The following COL28A1 variants were observed in gnomAD, a reference collection of about 807,000 sequenced individuals.
COL28A1 encodes the protein collagen alpha-1(XXVIII) chain.
COL28A1 carries 161 observed loss-of-function variants against 150.2 expected under a neutral mutation model. That is an observed-to-expected ratio of 1.07 (90% CI 0.94 to 1.22). The LOEUF is 1.22. COL28A1 is among the 50% of genes most tolerant of loss of function. COL28A1 has a pLI of 0.00. For synonymous variants in COL28A1, 552 were observed against 469.7 expected (o/e 1.18, Z -2.26); for missense variants, 1,617 against 1,388.3 (o/e 1.16, Z -2.62).
intron 27 of COL28A1, among the ~76,000 whole-genome samples, chr7:7,397,561 C>T (rs2128297120): frequency 6.6e-6 from 1 of 152,262 alleles, no homozygotes; most frequent in African/African-American, 2.4e-5. Context: ...CCATTTAGAT[C>T]ATATCATGAA....
At chr7:7,393,777 C>T (rs1028353769) in intron 27 of COL28A1, among the ~76,000 whole-genome samples, 2 of 152,140 alleles carry the variant, frequency 1.3e-5, no homozygotes, top group African/African-American at 4.8e-5. Flanking sequence ...ACCTCTTTCT[C>T]CACACCAAAT....
chr7:7,479,781 G>T (rs1288039126), intron 13 of COL28A1, among the ~76,000 whole-genome samples: 1 of 152,178 alleles, frequency 6.6e-6, no homozygotes, highest in Non-Finnish European at 1.5e-5. Context: ...CTTTGAAATG[G>T]ACTTGCAGAA....
intron 13 of COL28A1, among the ~76,000 whole-genome samples, chr7:7,478,361 T>G: frequency 6.6e-6 from 1 of 152,190 alleles, no homozygotes; most frequent in African/African-American, 2.4e-5. Flanking sequence ...CACAGGGTGC[T>G]GATTGGTGTG....
rs1278473650 is a variant in COL28A1, at chr7:7,432,692, T to G, written c.1869A>C (p.Gln623His). The G allele has an allele frequency of 3.1e-6, 5 of 1,613,378 alleles. No homozygotes were observed. Among genetic ancestry groups the G allele is most frequent in the Non-Finnish European group, 4.2e-6 (5 of 1,179,684 alleles). ...GLSIRGPKGV[Q>H]GPRGPVGAPG... Reference sequence around the variant, plus strand: ...GAGCACCCACTGGTCCCCGAGGGCCTTGGACACCCTGGGTAAATTCCAACA... The same window carrying G: ...GAGCACCCACTGGTCCCCGAGGGCCGTGGACACCCTGGGTAAATTCCAACA... The change falls in exon 24 of 35, where the codon CAA becomes CAC. Residue 623 changes from glutamine (Q) to histidine (H), a missense_variant. Coordinates refer to ENST00000399429, the MANE Select transcript of COL28A1 (RefSeq NM_001037763.3).
intron 11 of COL28A1, among the ~76,000 whole-genome samples, chr7:7,492,383 G>A (rs1339781149): frequency 6.6e-6 from 1 of 150,772 alleles, no homozygotes; most frequent in Non-Finnish European, 1.5e-5. Flanking sequence ...AGACCAGCCT[G>A]GCCAACATGG....
chr7:7,541,920 G>A, the COL28A1 span, among the ~76,000 whole-genome samples: 1 of 141,380 alleles, frequency 7.1e-6, no homozygotes, highest in South Asian at 2.4e-4. Context: ...AGCAAGTAAA[G>A]AGCAATGGCA....
chr7:7,356,678 C>T (rs1259189517), downstream of COL28A1: 2 of 151,464 alleles, frequency 1.3e-5, no homozygotes, highest in African/African-American at 4.9e-5. Flanking sequence ...GAACATCACA[C>T]ACCAGGGCCT....
chr7:7,426,427 T>C (rs923683499), intron 25 of COL28A1, among the ~76,000 whole-genome samples: 4 of 152,202 alleles, frequency 2.6e-5, no homozygotes, highest in Non-Finnish European at 2.9e-5. Flanking sequence ...GAGGCTTTTT[T>C]CTAAGTATAT....
At chr7:7,450,514 G>A (rs915961136) in intron 18 of COL28A1, among the ~76,000 whole-genome samples, 1 of 152,162 alleles carries the variant, frequency 6.6e-6, no homozygotes, top group Non-Finnish European at 1.5e-5. Context: ...AGATATATTT[G>A]TACACACTTC....
chr7:7,481,536 C>T (rs570100085), intron 13 of COL28A1, among the ~76,000 whole-genome samples: 1 of 152,236 alleles, frequency 6.6e-6, no homozygotes, highest in African/African-American at 2.4e-5. Context: ...TTTCTAAGGC[C>T]ATGAGAACCA....
At chr7:7,413,271 C>A (rs1783886549) in intron 27 of COL28A1, among the ~76,000 whole-genome samples, 1 of 151,890 alleles carries the variant, frequency 6.6e-6, no homozygotes, top group Non-Finnish European at 1.5e-5. Flanking sequence ...AAGAGGAATT[C>A]TCAGCCAGGA....
intron 28 of COL28A1, among the ~76,000 whole-genome samples, chr7:7,381,340 C>A (rs1417987626): frequency 6.6e-6 from 1 of 152,130 alleles, no homozygotes; most frequent in African/African-American, 2.4e-5. Context: ...CTACCTGAAG[C>A]TCTCAAAGAA....
intron 25 of COL28A1, among the ~76,000 whole-genome samples, chr7:7,429,591 C>T (rs940498060): frequency 3.9e-5 from 6 of 152,036 alleles, no homozygotes; most frequent in African/African-American, 1.4e-4. Context: ...TTTAAAGTTA[C>T]TTAGAAGCTG....
At chr7:7,517,276 G>A (rs539325421) in intron 7 of COL28A1, among the ~76,000 whole-genome samples, 2 of 152,090 alleles carry the variant, frequency 1.3e-5, no homozygotes, top group Non-Finnish European at 2.9e-5. Context: ...ACACATCTCT[G>A]CTATTTGATA....
chr7:7,484,672 T>C (rs867937783), intron 13 of COL28A1, among the ~76,000 whole-genome samples: 1 of 152,116 alleles, frequency 6.6e-6, no homozygotes, highest in Non-Finnish European at 1.5e-5. Flanking sequence ...CAGGAGTAGG[T>C]GGCAATATTG....
At chr7:7,342,588 C>CTA in the COL28A1 span, among the ~76,000 whole-genome samples, 1 of 151,610 alleles carries the variant, frequency 6.6e-6, no homozygotes, top group Non-Finnish European at 1.5e-5. Context: ...GAAGCTATGT[C>CTA]CTCTGTTTCT....
chr7:7,504,602 T>G (rs1780711077), intron 11 of COL28A1, among the ~76,000 whole-genome samples: 1 of 152,174 alleles, frequency 6.6e-6, no homozygotes, highest in East Asian at 1.9e-4. Context: ...ACGACCTGCA[T>G]CACCCAAAGC....
Position 7,471,570 on chromosome 7 carries a change from G to A in COL28A1, c.1302+3031C>T, listed in dbSNP as rs147854217. ...GGATGCAGGGATGGGTTTAACATAC[G>A]CAAGTCAATAAATGTGATACACCAC... is the stretch of plus-strand genomic sequence containing the variant. On this transcript the variant is annotated intron_variant, in intron 15 of 34. Transcript: ENST00000399429. 2.0e-3 allele frequency among the ~76,000 whole-genome samples: 308 copies of A among 152,216 alleles called. 2 individuals carry two copies. The highest frequency in any genetic ancestry group is 6.8e-3 in the African/African-American group (281 of 41,550).
chr7:7,532,851 A>G lies in COL28A1; in HGVS notation c.25T>C (p.Tyr9His), dbSNP rs1304325608. 6.2e-7 allele frequency: 1 copy of G among 1,611,430 alleles called. No individual in the cohort carries two copies. The highest frequency in any genetic ancestry group is 8.5e-7 in the Non-Finnish European group (1 of 1,178,982). Reference protein sequence around the residue: MWNRYFVFYLLLLSAFTSQ... With the variant: MWNRYFVFHLLLLSAFTSQ... ...GTAAACGCTGACAAAAGCAGGAGAT[A>G]GAAGACAAAATATCTGTTCCACATT... The change falls in exon 2 of 35, where the codon TAT (tyrosine) becomes CAT (histidine). Residue 9 changes from tyrosine (Y) to histidine (H), a missense_variant. Tyr to His is a moderately conservative substitution (Grantham distance 83, BLOSUM62 2). Coordinates refer to ENST00000399429, the MANE Select transcript of COL28A1 (RefSeq NM_001037763.3).
Sources: allele counts gnomAD v4.1 joint callset (sites outside exome capture counted in the v4.1 genomes callset), GRCh38; gene constraint gnomAD v4.1.1; transcripts MANE v1.5; gene names NCBI Gene and HGNC (gene_info 2026-07-23, HGNC 2026-07-21).